The following ERCC6L2 variants were observed in gnomAD, a reference collection of about 807,000 sequenced individuals.
The protein encoded by ERCC6L2 is DNA excision repair protein ERCC-6-like 2.
ERCC6L2 carries 77 observed loss-of-function variants against 132.0 expected under a neutral mutation model. That is an observed-to-expected ratio of 0.58 (90% CI 0.49 to 0.71). ERCC6L2 has a LOEUF of 0.71. Ranked by LOEUF, ERCC6L2 falls within the 30% of genes least tolerant of loss-of-function variation. ERCC6L2 has a pLI of 0.00. For missense variants in ERCC6L2, 1,542 were observed against 1,837.6 expected, an observed-to-expected ratio of 0.84 and a Z score of 2.94; for synonymous variants, 583 against 632.4, an observed-to-expected ratio of 0.92 and a Z score of 1.17.
chr9:95,893,354 A>G (rs181563412), intron 2 of ERCC6L2, among the ~76,000 whole-genome samples: 1 of 152,244 alleles, frequency 6.6e-6, no homozygotes, highest in East Asian at 1.9e-4. Context: ...TCTGTGTGCT[A>G]ATATTTTGTT....
At chr9:95,880,266 C>G (rs904254948) in intron 1 of ERCC6L2, among the ~76,000 whole-genome samples, 1 of 152,008 alleles carries the variant, frequency 6.6e-6, no homozygotes, top group African/African-American at 2.4e-5. Flanking sequence ...GGCTTAGAGG[C>G]AACAATATTG....
chr9:95,928,262 A>G, intron 10 of ERCC6L2, 112 bp downstream of exon 10: 1 of 608,644 alleles, frequency 1.6e-6, no homozygotes, highest in Non-Finnish European at 2.8e-6. Context: ...TTATCTACAC[A>G]GTAGGAAATA....
chr9:95,947,859 A>G (rs1241396346), intron 12 of ERCC6L2, among the ~76,000 whole-genome samples: 5 of 152,068 alleles, frequency 3.3e-5, no homozygotes, highest in Non-Finnish European at 7.4e-5. Context: ...TTTTAATCCC[A>G]CTGTTGAGAC....
intron 6 of ERCC6L2, chr9:95,918,405 A>T: frequency 2.6e-6 from 1 of 389,616 alleles, no homozygotes; most frequent in South Asian, 2.0e-5. Flanking sequence ...CTTGAGAGAG[A>T]TACTGAAGGA....
intron 6 of ERCC6L2, among the ~76,000 whole-genome samples, chr9:95,920,949 G>A (rs776934402): frequency 3.0e-4 from 46 of 152,268 alleles, no homozygotes; most frequent in Non-Finnish European, 5.7e-4. Flanking sequence ...GCTAATTTTT[G>A]TATTTTTAGT....
chr9:95,970,709 AC>A (rs1203667443), intron 15 of ERCC6L2, 53 bp downstream of exon 15: 1 of 1,161,986 alleles, frequency 8.6e-7, no homozygotes, highest in African/African-American at 1.6e-5. Context: ...ATGTACTGTG[AC>A]AATTTTGTTT....
At chr9:96,000,460 C>CT (rs1833627182) in intron 17 of ERCC6L2, among the ~76,000 whole-genome samples, 1 of 152,116 alleles carries the variant, frequency 6.6e-6, no homozygotes, top group Admixed American at 6.5e-5. Flanking sequence ...TTAAAAATGG[C>CT]TTGTCACTTT....
At chr9:95,877,902 A>C (rs77445347) in intron 1 of ERCC6L2, among the ~76,000 whole-genome samples, 29,181 of 152,158 alleles carry the variant, frequency 0.19, 2,910 homozygotes, top group Middle Eastern at 0.28. Context: ...AAAATTTATA[A>C]CAGTACAAAC....
chr9:95,960,495 T>C (rs1831850973), intron 13 of ERCC6L2, among the ~76,000 whole-genome samples: 1 of 152,120 alleles, frequency 6.6e-6, no homozygotes, highest in Admixed American at 6.6e-5. Context: ...AAGAAAGAGC[T>C]AGAGGACAAT....
rs1038274774 is a variant in ERCC6L2, at chr9:96,014,323, T to C, written c.*1120T>C. 2.0e-5 allele frequency: 3 copies of C among 152,262 alleles called. No individual in the cohort carries two copies. The highest frequency in any genetic ancestry group is 4.4e-5 in the Non-Finnish European group (3 of 68,052). 9.4% of individuals were successfully genotyped at this position (152,262 alleles called of 1,614,324 possible). A position where few individuals can be genotyped will look rare whatever the true frequency, so the allele number is the denominator to read the frequency against. On this transcript the variant is annotated 3_prime_UTR_variant, in exon 19 of 19. Coordinates refer to ENST00000653738, the MANE Select transcript of ERCC6L2 (RefSeq NM_020207.7). The stretch of plus-strand genomic sequence containing the variant: ...AAAACAGCCTGAGCCGGGAACTGGC[T>C]GTGCTAAAGAGCACTGCTATCAAGT...
intron 11 of ERCC6L2, among the ~76,000 whole-genome samples, chr9:95,938,939 G>A (rs1183268871): frequency 6.6e-6 from 1 of 151,334 alleles, no homozygotes; most frequent in Non-Finnish European, 1.5e-5. Flanking sequence ...GTGTTTTTTA[G>A]TGTATTGCTT....
chr9:95,992,173 G>A (rs1486502378), intron 17 of ERCC6L2, among the ~76,000 whole-genome samples: 2 of 151,948 alleles, frequency 1.3e-5, no homozygotes, highest in African/African-American at 4.8e-5. Flanking sequence ...CTAACTTTTT[G>A]GTTTTTTGCT....
At chr9:96,025,440 G>C (rs1292261021) in intron 19 of ERCC6L2, among the ~76,000 whole-genome samples, 1 of 152,216 alleles carries the variant, frequency 6.6e-6, no homozygotes, top group East Asian at 1.9e-4. Context: ...GTGGGGCTCA[G>C]GTTCAGTGTG....
At chr9:95,955,310 G>GT (rs780431841) in intron 12 of ERCC6L2, among the ~76,000 whole-genome samples, 123 of 151,946 alleles carry the variant, frequency 8.1e-4, no homozygotes, top group Non-Finnish European at 1.6e-3. Context: ...CTAAGTTGTG[G>GT]TTTTTTTTAC....
chr9:96,026,479 G>T (rs78566778), intron 19 of ERCC6L2, among the ~76,000 whole-genome samples: 19,071 of 152,062 alleles, frequency 0.13, 1,261 homozygotes, highest in South Asian at 0.23. Flanking sequence ...TGGGTCAGCT[G>T]GTCCCCACTG....
At chr9:95,969,830 GTAT>G (rs1284651072) in intron 14 of ERCC6L2, among the ~76,000 whole-genome samples, 7 of 152,124 alleles carry the variant, frequency 4.6e-5, no homozygotes, top group Admixed American at 4.6e-4. Context: ...TAGTGTGTCT[GTAT>G]TCTTAAGTTG....
In ERCC6L2 at chr9:96,013,490, A is replaced by G. The variant is rs1834105222; in HGVS notation, c.*287A>G. ...CCTGGGACATCTTTCTTACTATATT[A>G]CATAATGATGTGACACTTGCCCCGG... On this transcript the variant is annotated 3_prime_UTR_variant, in exon 19 of 19. Coordinates refer to ENST00000653738, the MANE Select transcript of ERCC6L2 (RefSeq NM_020207.7). 3.0e-5 allele frequency: 6 copies of G among 200,608 alleles called. No individual in the cohort carries two copies. The South Asian group carries it at 3.4e-4, about 11-fold the overall frequency. 12.4% of individuals were successfully genotyped at this position (200,608 alleles called of 1,614,324 possible).
intron 18 of ERCC6L2, among the ~76,000 whole-genome samples, chr9:96,006,470 CTA>C (rs1399383507): frequency 2.6e-5 from 4 of 152,238 alleles, no homozygotes; most frequent in East Asian, 1.9e-4. Context: ...GTGGCCGGTG[CTA>C]TGAGTTCGGA....
rs1486191651 is a variant in ERCC6L2 at position 95,972,413 on chromosome 9, A to G, written c.2662A>G (p.Lys888Glu). ...SDEKKIKNTD[K>E]HCILQNVTES... ...CGAGAAAAAAATTAAAAATACAGAT[A>G]AACATTGCATTTTACAGAATGTCAC... is the stretch of plus-strand genomic sequence containing the variant. The change falls in exon 16 of 19, where the codon AAA (lysine) becomes GAA (glutamate). Residue 888 changes from lysine to glutamate, a missense_variant. By Grantham distance (56) the Lys-to-Glu change is moderately conservative. Coordinates refer to ENST00000653738, the MANE Select transcript of ERCC6L2 (RefSeq NM_020207.7). 1 of 1,277,704 alleles carries G rather than the reference A, an allele frequency of 7.8e-7. No individual in the cohort carries two copies. The highest frequency in any genetic ancestry group is 1.3e-5 in the South Asian group (1 of 77,652). The allele number at this position is 1,277,704 out of a possible 1,614,324, so 79.1% of individuals were successfully genotyped here.
Sources: allele counts gnomAD v4.1 joint callset (sites outside exome capture counted in the v4.1 genomes callset), GRCh38; gene constraint gnomAD v4.1.1; transcripts MANE v1.5; gene names NCBI Gene and HGNC (gene_info 2026-07-23, HGNC 2026-07-21).